The following PITPNC1 variants were observed in gnomAD, a reference collection of about 807,000 sequenced individuals.
PITPNC1 encodes phosphatidylinositol transfer protein cytoplasmic 1, also known as cytoplasmic phosphatidylinositol transfer protein 1.
In PITPNC1, 18 loss-of-function variants were observed where a neutral mutation model predicts 44.7. The ratio of observed to expected loss-of-function variants is 0.40; its 90% CI spans 0.28 to 0.60. The LOEUF is 0.60. Ranked by LOEUF, PITPNC1 falls within the 20% of genes least tolerant of loss-of-function variation. The pLI, the probability that PITPNC1 is intolerant of heterozygous loss-of-function variation, is 0.39. For missense variants in PITPNC1, 290 were observed against 418.4 expected (o/e 0.69, Z 2.68); for synonymous variants, 141 against 149.6 (o/e 0.94, Z 0.42).
intron 1 of PITPNC1, among the ~76,000 whole-genome samples, chr17:67,531,753 C>A (rs1219582581): frequency 6.6e-6 from 1 of 152,194 alleles, no homozygotes; most frequent in Non-Finnish European, 1.5e-5. Context: ...GACTCAGGCC[C>A]CACTCCCCCA....
chr17:67,393,807 C>A (rs1187909673), intron 1 of PITPNC1, among the ~76,000 whole-genome samples: 1 of 152,084 alleles, frequency 6.6e-6, no homozygotes, highest in African/African-American at 2.4e-5. Flanking sequence ...ATTTAGACCC[C>A]TTTTCTGAGT....
intron 4 of PITPNC1, among the ~76,000 whole-genome samples, chr17:67,562,421 C>T (rs140298146): frequency 6.6e-6 from 1 of 152,316 alleles, no homozygotes; most frequent in African/African-American, 2.4e-5. Flanking sequence ...CACCATTCCT[C>T]TTGGCCACAT....
At chr17:67,589,331 G>A (rs769535205) in intron 5 of PITPNC1, among the ~76,000 whole-genome samples, 34 of 152,174 alleles carry the variant, frequency 2.2e-4, no homozygotes, top group Admixed American at 1.9e-3. Context: ...AGAACTTACC[G>A]CGGATAATCA....
intron 1 of PITPNC1, among the ~76,000 whole-genome samples, chr17:67,444,971 C>G (rs2039074404): frequency 6.6e-6 from 1 of 151,368 alleles, no homozygotes; most frequent in Non-Finnish European, 1.5e-5. Context: ...GAGTGATTAC[C>G]CATATCCTAG....
chr17:67,645,132 G>A (rs1469056089), intron 6 of PITPNC1, among the ~76,000 whole-genome samples: 1 of 152,014 alleles, frequency 6.6e-6, no homozygotes, highest in Non-Finnish European at 1.5e-5. Flanking sequence ...CCTGAGGTCG[G>A]GAGTTTGAGA....
At position 67,581,638 on chromosome 17, in the gene PITPNC1, C is replaced by G. The variant is rs564104695; in HGVS notation, c.366+3381C>G. On this transcript the variant is annotated intron_variant, in intron 5 of 8. Coordinates refer to ENST00000581322, the MANE Select transcript of PITPNC1 (RefSeq NM_012417.4). The stretch of plus-strand genomic sequence containing the variant: ...GGCCATTGGACCACACGGCCCAGCC[C>G]CACTTCATTAGACTTCTTTGCCAAT... Among the ~76,000 whole-genome samples the G allele has an allele frequency of 2.4e-4, 37 of 152,320 alleles. 1 individual carries two copies. Among genetic ancestry groups the G allele is most frequent in the East Asian group, 1.4e-3 (7 of 5,184 alleles).
chr17:67,561,400 G>A (rs1475917011), intron 4 of PITPNC1, among the ~76,000 whole-genome samples: 1 of 151,738 alleles, frequency 6.6e-6, no homozygotes, highest in African/African-American at 2.4e-5. Context: ...AGGTTGCAAT[G>A]AGCCGATATC....
Position 67,634,965 on chromosome 17 carries a change from A to G in PITPNC1, c.462+2727A>G, listed in dbSNP as rs2042016351. On this transcript the variant is annotated intron_variant, in intron 6 of 8. Coordinates refer to ENST00000581322, the MANE Select transcript of PITPNC1 (RefSeq NM_012417.4). ...CTACTCAGAAGACTGAGGCAGGAGA[A>G]TCACTTGAAGTCCCAGCGACTCAGG... is the stretch of plus-strand genomic sequence containing the variant. Among the ~76,000 whole-genome samples the G allele has an allele frequency of 2.0e-5, 3 of 152,172 alleles. No individual in the cohort carries two copies. The South Asian group carries it at 6.2e-4, about 31-fold the overall frequency.
intron 1 of PITPNC1, among the ~76,000 whole-genome samples, chr17:67,473,521 C>T (rs1307219731): frequency 2.7e-5 from 4 of 150,596 alleles, no homozygotes; most frequent in South Asian, 2.1e-4. Flanking sequence ...TTAGTAGAGA[C>T]GGGGTTTCAC....
chr17:67,696,076 G>A lies in PITPNC1; in HGVS notation c.*3188G>A, dbSNP rs896737405. 2 of 152,066 alleles carry A rather than the reference G, an allele frequency of 1.3e-5. No homozygotes were observed. Among genetic ancestry groups the A allele is most frequent in the Non-Finnish European group, 2.9e-5 (2 of 68,028 alleles). 9.4% of individuals were successfully genotyped at this position (152,066 alleles called of 1,614,324 possible). A position where few individuals can be genotyped will look rare whatever the true frequency, so the allele number is the denominator to read the frequency against. ...ACTGATTTATCAAGGCTTCTGTTAC[G>A]GTTTTGCATCTGTGTGTGAGGAAAA... On this transcript the variant is annotated 3_prime_UTR_variant, in exon 9 of 9. Transcript: ENST00000581322.
intron 5 of PITPNC1, among the ~76,000 whole-genome samples, chr17:67,599,034 A>ATATATATATATATTTTT (rs1461493250): frequency 5.6e-5 from 2 of 35,676 alleles, no homozygotes; most frequent in African/African-American, 1.1e-4. Context: ...ATATATATAT[A>ATATATATATATATTTTT]TTTTTTTTTT....
At chr17:67,466,745 C>T (rs976884803) in intron 1 of PITPNC1, among the ~76,000 whole-genome samples, 2 of 152,062 alleles carry the variant, frequency 1.3e-5, no homozygotes, top group Non-Finnish European at 2.9e-5. Context: ...CTCTGGGAGT[C>T]GCAGGAGGAG....
At chr17:67,588,065 G>T (rs111857830) in intron 5 of PITPNC1, among the ~76,000 whole-genome samples, 1 of 152,204 alleles carries the variant, frequency 6.6e-6, no homozygotes, top group African/African-American at 2.4e-5. Context: ...GTGCAGTGGC[G>T]TGATCTCACC....
At chr17:67,650,106 C>A (rs2144365160) in intron 6 of PITPNC1, among the ~76,000 whole-genome samples, 1 of 152,298 alleles carries the variant, frequency 6.6e-6, no homozygotes, top group East Asian at 1.9e-4. Flanking sequence ...GGGCCCCTCA[C>A]CTGTGTATGT....
chr17:67,609,550 A>G (rs1004999717), intron 5 of PITPNC1, among the ~76,000 whole-genome samples: 6 of 151,956 alleles, frequency 3.9e-5, no homozygotes, highest in Non-Finnish European at 7.4e-5. Flanking sequence ...TCAGACTCCC[A>G]AAGTCCTGGG....
At chr17:67,582,373 T>C (rs1408135301) in intron 5 of PITPNC1, among the ~76,000 whole-genome samples, 1 of 152,226 alleles carries the variant, frequency 6.6e-6, no homozygotes, top group Non-Finnish European at 1.5e-5. Context: ...TACACTCTTA[T>C]CATTCAGCTA....
chr17:67,424,916 C>G (rs1297235318), intron 1 of PITPNC1, among the ~76,000 whole-genome samples: 1 of 152,030 alleles, frequency 6.6e-6, no homozygotes, highest in Non-Finnish European at 1.5e-5. Context: ...ATAGCCTTAA[C>G]TGATGACATT....
At chr17:67,409,921 A>G (rs2038467165) in intron 1 of PITPNC1, among the ~76,000 whole-genome samples, 1 of 152,174 alleles carries the variant, frequency 6.6e-6, no homozygotes, top group Non-Finnish European at 1.5e-5. Context: ...TTTGTTCCAT[A>G]CAGATTGGGT....
intron 1 of PITPNC1, among the ~76,000 whole-genome samples, chr17:67,472,148 G>A (rs923064666): frequency 2.0e-5 from 3 of 151,784 alleles, no homozygotes; most frequent in African/African-American, 7.3e-5. Context: ...CACTGGTGAA[G>A]TTAACCTTGA....
Sources: allele counts gnomAD v4.1 joint callset (sites outside exome capture counted in the v4.1 genomes callset), GRCh38; gene constraint gnomAD v4.1.1; transcripts MANE v1.5; gene names NCBI Gene and HGNC (gene_info 2026-07-23, HGNC 2026-07-21).